Variants in MCTP1 observed in about 807,000 individuals in gnomAD.
MCTP1 encodes multiple C2 and transmembrane domain containing 1.
Under a neutral mutation model 120.6 loss-of-function variants are expected in MCTP1, and 69 were observed. The ratio of observed to expected loss-of-function variants is 0.57; its 90% CI spans 0.47 to 0.70. The LOEUF is 0.70. Among genes scored for constraint, MCTP1 ranks in the 30% least tolerant of loss-of-function variants. MCTP1 has a pLI of 0.00. For synonymous variants in MCTP1, 529 were observed against 493.1 expected (o/e 1.07, Z -0.96); for missense variants, 1,203 against 1,248.8 (o/e 0.96, Z 0.55).
Position 94,873,231 on chromosome 5 carries a change from G to T in MCTP1, c.1944C>A (p.Asp648Glu). ...TGTTCAGTTCTACCACACAAAATGG[G>T]TCACTTTTTCCTACAAGAGATTTTT... ...LMAADVTGKS[D>E]PFCVVELNND... The change falls in exon 13 of 23, where the codon GAC (aspartate) becomes GAA (glutamate). Residue 648 changes from aspartate to glutamate, a missense_variant. Coordinates refer to ENST00000515393, the MANE Select transcript of MCTP1 (RefSeq NM_024717.7). The T allele has an allele frequency of 6.2e-7, 1 of 1,600,170 alleles. No individual in the cohort carries two copies. The highest frequency in any genetic ancestry group is 2.2e-5 in the East Asian group (1 of 44,638).
At chr5:95,274,111 T>C (rs558359201) in intron 1 of MCTP1, among the ~76,000 whole-genome samples, 1 of 152,284 alleles carries the variant, frequency 6.6e-6, no homozygotes, top group African/African-American at 2.4e-5. Context: ...AGCCCTCATA[T>C]CTGGCCACAC....
intron 3 of MCTP1, among the ~76,000 whole-genome samples, chr5:94,946,172 G>C (rs955496911): frequency 6.6e-6 from 1 of 152,156 alleles, no homozygotes; most frequent in Admixed American, 6.5e-5. Flanking sequence ...TTCTCTATCA[G>C]AGCTTCCTCA....
intron 2 of MCTP1, among the ~76,000 whole-genome samples, chr5:94,993,301 T>G (rs1831970285): frequency 1.3e-5 from 2 of 152,156 alleles, no homozygotes; most frequent in South Asian, 4.1e-4. Flanking sequence ...TGAAGAAAAT[T>G]TCACTTCAGG....
chr5:95,261,954 A>C (rs2152719437), intron 1 of MCTP1, among the ~76,000 whole-genome samples: 1 of 152,296 alleles, frequency 6.6e-6, no homozygotes, highest in Middle Eastern at 3.4e-3. Context: ...GTTTCCCCAC[A>C]TAGAGGCAAG....
In MCTP1 at chr5:95,163,012, CATTTTA is replaced by C. The variant is rs376550729; in HGVS notation, c.720+120838_720+120843del. Among the ~76,000 whole-genome samples, 95 of 152,220 alleles carry C rather than the reference CATTTTA, an allele frequency of 6.2e-4. 2 individuals are homozygous for C. In the South Asian group the frequency reaches 0.011, roughly 18 times the overall value. On this transcript the variant is annotated intron_variant, in intron 1 of 22. Transcript: ENST00000515393. ...AAGTCCGTGTGATGCAGACCTTCAA[CATTTTA>C]ATTTTATTAATATTAACTTAAAAAA...
At chr5:95,171,009 T>C (rs1022909303) in intron 1 of MCTP1, among the ~76,000 whole-genome samples, 8 of 152,310 alleles carry the variant, frequency 5.3e-5, no homozygotes, top group Middle Eastern at 3.4e-3. Context: ...CTAGTCTCGA[T>C]GGTCTTTACA....
At chr5:95,053,203 C>T (rs1746466130) in intron 1 of MCTP1, among the ~76,000 whole-genome samples, 1 of 152,140 alleles carries the variant, frequency 6.6e-6, no homozygotes, top group South Asian at 2.1e-4. Context: ...TTACCAAAAG[C>T]ATATGAAGCA....
chr5:95,122,765 G>A (rs180874419), intron 1 of MCTP1, among the ~76,000 whole-genome samples: 1 of 152,250 alleles, frequency 6.6e-6, no homozygotes, highest in Non-Finnish European at 1.5e-5. Flanking sequence ...ATCACCAGAT[G>A]AACAGATAAA....
intron 19 of MCTP1, among the ~76,000 whole-genome samples, chr5:94,719,099 C>T (rs546826949): frequency 1.3e-5 from 2 of 152,272 alleles, no homozygotes; most frequent in South Asian, 4.1e-4. Context: ...AAAATCCAAA[C>T]CACAATGAGA....
chr5:94,842,440 T>C (rs1484040323), intron 17 of MCTP1, among the ~76,000 whole-genome samples: 2 of 152,230 alleles, frequency 1.3e-5, no homozygotes, highest in African/African-American at 4.8e-5. Flanking sequence ...TGCTAACATA[T>C]GGATTGTGTC....
intron 1 of MCTP1, among the ~76,000 whole-genome samples, chr5:95,208,384 C>T (rs1315305999): frequency 6.6e-6 from 1 of 152,190 alleles, no homozygotes; most frequent in Admixed American, 6.5e-5. Context: ...AGCCACCACA[C>T]CCAGCCAACT....
intron 1 of MCTP1, among the ~76,000 whole-genome samples, chr5:95,139,660 T>C (rs907198502): frequency 2.0e-5 from 3 of 152,238 alleles, no homozygotes; most frequent in African/African-American, 7.2e-5. Flanking sequence ...CTATTTTTAG[T>C]TACATATCCA....
chr5:95,244,982 T>A (rs1031515866), intron 1 of MCTP1, among the ~76,000 whole-genome samples: 1 of 151,986 alleles, frequency 6.6e-6, no homozygotes, highest in Non-Finnish European at 1.5e-5. Flanking sequence ...AGAGGAAGGA[T>A]CAGGCAGCAA....
At chr5:95,072,565 T>A (rs770022186) in intron 1 of MCTP1, among the ~76,000 whole-genome samples, 9 of 152,154 alleles carry the variant, frequency 5.9e-5, no homozygotes, top group Non-Finnish European at 1.3e-4. Context: ...AATATTATAC[T>A]CTGCATCTAG....
chr5:94,803,876 C>T (rs1477721776), intron 17 of MCTP1, among the ~76,000 whole-genome samples: 1 of 152,146 alleles, frequency 6.6e-6, no homozygotes, highest in Non-Finnish European at 1.5e-5. Flanking sequence ...TAGCCTCCCA[C>T]AATGACTGAG....
chr5:95,128,937 C>A (rs1340939376), intron 1 of MCTP1, among the ~76,000 whole-genome samples: 1 of 152,006 alleles, frequency 6.6e-6, no homozygotes, highest in Non-Finnish European at 1.5e-5. Context: ...GGAACACCAA[C>A]ATTTAAGCAG....
At chr5:94,981,795 T>C (rs1053986380) in intron 2 of MCTP1, among the ~76,000 whole-genome samples, 2 of 152,088 alleles carry the variant, frequency 1.3e-5, no homozygotes, top group Admixed American at 1.3e-4. Context: ...AATTCTAACA[T>C]TGCTGGAGCT....
intron 1 of MCTP1, among the ~76,000 whole-genome samples, chr5:95,209,641 T>C (rs1446183207): frequency 1.3e-5 from 2 of 152,218 alleles, no homozygotes; most frequent in African/African-American, 2.4e-5. Flanking sequence ...CTTCTGAATA[T>C]ATCTGGGGTT....
intron 17 of MCTP1, chr5:94,825,903 G>A (rs1185663971): frequency 1.2e-5 from 2 of 167,596 alleles, no homozygotes; most frequent in Non-Finnish European, 2.6e-5. Context: ...CAATTTGAGA[G>A]CAGGTCCTGT....
Sources: allele counts gnomAD v4.1 joint callset (sites outside exome capture counted in the v4.1 genomes callset), GRCh38; gene constraint gnomAD v4.1.1; transcripts MANE v1.5; gene names NCBI Gene and HGNC (gene_info 2026-07-23, HGNC 2026-07-21).